PLEKHA7: variants seen among roughly 807,000 people sequenced by gnomAD.
PLEKHA7 encodes pleckstrin homology domain containing A7, also known as pleckstrin homology domain-containing family A member 7.
Under a neutral mutation model 170.0 loss-of-function variants are expected in PLEKHA7, and 104 were observed. That is an observed-to-expected ratio of 0.61 (90% confidence interval 0.52 to 0.72). The LOEUF is 0.72. Ranked by LOEUF, PLEKHA7 falls within the 30% of genes least tolerant of loss-of-function variation. The pLI is 0.00. For synonymous variants in PLEKHA7, 648 were observed against 660.8 expected, an observed-to-expected ratio of 0.98 and a Z score of 0.30; for missense variants, 1,615 against 1,671.7, an observed-to-expected ratio of 0.97 and a Z score of 0.59.
intron 3 of PLEKHA7, among the ~76,000 whole-genome samples, chr11:16,960,912 C>T (rs1862020310): frequency 1.3e-5 from 2 of 152,026 alleles, no homozygotes; most frequent in African/African-American, 2.4e-5. Flanking sequence ...TTACCCACAA[C>T]TCCTTGAACC....
intron 10 of PLEKHA7, among the ~76,000 whole-genome samples, chr11:16,825,809 AT>A (rs1164097033): frequency 2.6e-5 from 4 of 152,232 alleles, no homozygotes; most frequent in African/African-American, 9.6e-5. Flanking sequence ...GTCTCAAGGC[AT>A]TCTCTCTGAG....
At chr11:16,794,390 A>G in intron 19 of PLEKHA7, 98 bp downstream of exon 19, 1 of 1,270,866 alleles carries the variant, frequency 7.9e-7, no homozygotes, top group Middle Eastern at 1.8e-4. Flanking sequence ...GGCTGGGTCC[A>G]TTTCCCCAAG....
chr11:16,870,446 T>C (rs757731428), intron 4 of PLEKHA7, among the ~76,000 whole-genome samples: 6 of 151,872 alleles, frequency 4.0e-5, no homozygotes, highest in South Asian at 2.1e-4. Flanking sequence ...TTGGGCAACA[T>C]GGCGAAACCC....
chr11:16,876,493 G>A (rs1855302700), intron 3 of PLEKHA7, among the ~76,000 whole-genome samples: 1 of 152,230 alleles, frequency 6.6e-6, no homozygotes, highest in Non-Finnish European at 1.5e-5. Context: ...AAGGACCAGG[G>A]AACATGGACA....
At chr11:16,785,451 C>CTG (rs1849332671) in intron 24 of PLEKHA7, among the ~76,000 whole-genome samples, 1 of 152,210 alleles carries the variant, frequency 6.6e-6, no homozygotes, top group Non-Finnish European at 1.5e-5. Context: ...CACGTACCCA[C>CTG]TGTGTGCCAG....
At chr11:16,905,716 C>G (rs1053594166) in intron 3 of PLEKHA7, among the ~76,000 whole-genome samples, 2 of 152,196 alleles carry the variant, frequency 1.3e-5, no homozygotes, top group African/African-American at 4.8e-5. Context: ...CTTAAGCATT[C>G]TTCCCCAAAG....
chr11:16,796,466 G>C (rs549199237), intron 17 of PLEKHA7, among the ~76,000 whole-genome samples: 1 of 152,228 alleles, frequency 6.6e-6, no homozygotes, highest in South Asian at 2.1e-4. Context: ...AGTCAAATCA[G>C]TAGAAACAGA....
At chr11:16,929,986 G>A (rs535467803) in intron 3 of PLEKHA7, among the ~76,000 whole-genome samples, 98 of 152,076 alleles carry the variant, frequency 6.4e-4, no homozygotes, top group African/African-American at 2.3e-3. Context: ...CCTGGCAACA[G>A]AGTGAGACTC....
intron 3 of PLEKHA7, chr11:16,881,688 T>C (rs1855727849): frequency 6.6e-6 from 1 of 152,180 alleles, no homozygotes. Context: ...TATCTACAGC[T>C]CTGGAGTCAG....
intron 23 of PLEKHA7, chr11:16,787,266 T>A: frequency 1.0e-6 from 1 of 980,276 alleles, no homozygotes; most frequent in Middle Eastern, 5.2e-4. Flanking sequence ...GATGCTTATC[T>A]ATCCCAGGCC....
At position 16,817,374 on chromosome 11, in the gene PLEKHA7, G is replaced by C; in HGVS notation, c.1344-52C>G. The stretch of plus-strand genomic sequence containing the variant: ...AGGCAACCAAGCGAGGGTTCTGCAG[G>C]CTTTGGGGAACATATCTAAGTAAAC... On this transcript the variant is annotated intron_variant, in intron 10 of 26. Coordinates refer to ENST00000531066, the MANE Select transcript of PLEKHA7 (RefSeq NM_001329630.2). The surrounding 1 kb of genome is among the most constrained non-coding windows in gnomAD (Gnocchi z 4.4). 6.6e-7 allele frequency: 1 copy of C among 1,518,020 alleles called. No individual in the cohort carries two copies. The highest frequency in any genetic ancestry group is 1.2e-5 in the South Asian group (1 of 81,856). The allele number at this position is 1,518,020 out of a possible 1,614,324, so 94.0% of individuals were successfully genotyped here. A position where few individuals can be genotyped will look rare whatever the true frequency, so the allele number is the denominator to read the frequency against.
At position 16,789,146 on chromosome 11, in the gene PLEKHA7, G is replaced by A; in HGVS notation, c.3307C>T (p.Leu1103=). Residue 1103 remains leucine (L), a synonymous_variant, in exon 23 of 27, where the codon CTG becomes TTG. Coordinates refer to ENST00000531066, the MANE Select transcript of PLEKHA7 (RefSeq NM_001329630.2). This position sits in a 1 kb window ranked among gnomAD's most constrained non-coding sequence, Gnocchi z 4.6. Reference sequence around the variant, plus strand: ...CGGCTGAGGTAGCGAGATGAGGGCAGGCCCGTCCTCTCCCCTTGGCCCAGT... The same window carrying A: ...CGGCTGAGGTAGCGAGATGAGGGCAAGCCCGTCCTCTCCCCTTGGCCCAGT... ...RTLGQGERTG[L]PSSRYLSRPL... The A allele has an allele frequency of 6.2e-7, 1 of 1,610,464 alleles. No homozygotes were observed. The highest frequency in any genetic ancestry group is 8.5e-7 in the Non-Finnish European group (1 of 1,180,020).
In PLEKHA7 at chr11:16,854,981, T is replaced by C; in HGVS notation, c.430A>G (p.Ser144Gly). ...AKPGPKIIKSSSKVHSFGKRD... is the reference protein window; with the variant it reads ...AKPGPKIIKSGSKVHSFGKRD... ...TTCCCAAAGCTGTGGACTTTACTGC[T>C]GGACTTTATGATCTATGAAAAAGCA... is the stretch of plus-strand genomic sequence containing the variant. Residue 144 changes from serine to glycine, a missense_variant, in exon 6 of 27, where the codon AGC becomes GGC. By Grantham distance (56) the Ser-to-Gly change is moderately conservative (BLOSUM62 0). Transcript: ENST00000531066. 1 of 1,613,992 alleles carries C rather than the reference T, an allele frequency of 6.2e-7. No individual in the cohort carries two copies. Among genetic ancestry groups the C allele is most frequent in the Non-Finnish European group, 8.5e-7 (1 of 1,179,878 alleles).
intron 3 of PLEKHA7, among the ~76,000 whole-genome samples, chr11:17,011,490 G>C (rs1865321590): frequency 6.6e-6 from 1 of 152,090 alleles, no homozygotes; most frequent in Non-Finnish European, 1.5e-5. Flanking sequence ...TGGAAGATTT[G>C]CCTAACTGAC....
At chr11:16,898,436 T>C (rs1223600542) in intron 3 of PLEKHA7, among the ~76,000 whole-genome samples, 11 of 152,214 alleles carry the variant, frequency 7.2e-5, no homozygotes, top group Admixed American at 5.2e-4. Flanking sequence ...TGGACTTGAA[T>C]ACCTGCTTTG....
intron 9 of PLEKHA7, among the ~76,000 whole-genome samples, chr11:16,840,769 G>A (rs74485981): frequency 0.015 from 2,322 of 152,202 alleles, 69 homozygotes; most frequent in African/African-American, 0.054. Flanking sequence ...AATGAGGTCT[G>A]TACACTGCAT....
intron 3 of PLEKHA7, among the ~76,000 whole-genome samples, chr11:16,961,933 C>A (rs959266177): frequency 1.3e-5 from 2 of 152,184 alleles, no homozygotes; most frequent in African/African-American, 2.4e-5. Flanking sequence ...AAGGGTCTGG[C>A]ACATAGTAAG....
intron 3 of PLEKHA7, among the ~76,000 whole-genome samples, chr11:16,972,401 C>CGTGA (rs2136727006): frequency 6.6e-6 from 1 of 150,914 alleles, no homozygotes; most frequent in East Asian, 2.0e-4. Flanking sequence ...GGATTACAGG[C>CGTGA]GTGAGTCACT....
rs1049578282 is a variant in PLEKHA7, at chr11:16,817,997, C to A, written c.1344-675G>T. ...ACCTTGCAGGCCTGCTGTTTTCTCA[C>A]TGCTCTTCCTACGGGCCACGCCAAA... is the stretch of plus-strand genomic sequence containing the variant. On this transcript the variant is annotated intron_variant, in intron 10 of 26. Coordinates refer to ENST00000531066, the MANE Select transcript of PLEKHA7 (RefSeq NM_001329630.2). The surrounding 1 kb of genome is among the most constrained non-coding windows in gnomAD (Gnocchi z 4.4). Among the ~76,000 whole-genome samples the A allele has an allele frequency of 1.3e-5, 2 of 152,196 alleles. No individual in the cohort carries two copies. The highest frequency in any genetic ancestry group is 2.9e-5 in the Non-Finnish European group (2 of 68,028).
Sources: gnomAD v4.1 joint callset for allele counts (sites outside exome capture counted in the v4.1 genomes callset) on GRCh38, gnomAD v4.1.1 for gene constraint, Gnocchi (gnomAD v3.1) non-coding constraint, MANE v1.5 for transcripts, NCBI Gene and HGNC (gene_info 2026-07-23, HGNC 2026-07-21) for gene names.